Variants in ADAMTS20 observed in about 807,000 individuals in gnomAD.
ADAMTS20 encodes the protein ADAM metallopeptidase with thrombospondin type 1 motif 20, also known as A disintegrin and metalloproteinase with thrombospondin motifs 20.
ADAMTS20 carries 225 observed loss-of-function variants against 260.1 expected under a neutral mutation model. The observed-to-expected ratio is 0.87, with a 90% CI of 0.78 to 0.97. The LOEUF is 0.97. Among genes scored for constraint, ADAMTS20 ranks in the 50% least tolerant of loss-of-function variants. The pLI is 0.00. For synonymous variants in ADAMTS20, 802 were observed against 769.5 expected, an observed-to-expected ratio of 1.04 and a Z score of -0.70; for missense variants, 2,400 against 2,337.7, an observed-to-expected ratio of 1.03 and a Z score of -0.55.
chr12:43,394,543 C>T (rs1494960), intron 29 of ADAMTS20, among the ~76,000 whole-genome samples: 37,736 of 151,882 alleles, frequency 0.25, 5,287 homozygotes, highest in African/African-American at 0.38. Flanking sequence ...TAATATTTCA[C>T]ATTTATGCAA....
At chr12:43,421,723 T>C (rs115607867) in intron 28 of ADAMTS20, among the ~76,000 whole-genome samples, 1,997 of 152,084 alleles carry the variant, frequency 0.013, 49 homozygotes, top group African/African-American at 0.046. Context: ...ATTATAAAAA[T>C]TTCACAGTAT....
At position 43,551,768 on chromosome 12, in the gene ADAMTS20, G is replaced by T; in HGVS notation, c.91+63C>A. On this transcript the variant is annotated intron_variant, in intron 1 of 38. Coordinates refer to ENST00000389420, the MANE Select transcript of ADAMTS20 (RefSeq NM_025003.5). This position sits in a 1 kb window ranked among gnomAD's most constrained non-coding sequence, Gnocchi z 4.6. ...GCTGAGCCGCTCGTCCCCGCGACCTGCATGTCCCACTCGGGCCCCGCGCCC... is the reference window on the plus strand; with the variant it reads ...GCTGAGCCGCTCGTCCCCGCGACCTTCATGTCCCACTCGGGCCCCGCGCCC... 6.5e-7 allele frequency: 1 copy of T among 1,534,878 alleles called. No individual in the cohort carries two copies. The highest frequency in any genetic ancestry group is 1.1e-5 in the South Asian group (1 of 89,418).
At chr12:43,451,624 G>T (rs1450166214) in intron 14 of ADAMTS20, among the ~76,000 whole-genome samples, 3 of 152,042 alleles carry the variant, frequency 2.0e-5, no homozygotes, top group African/African-American at 7.2e-5. Context: ...AAGGTTCTCT[G>T]AATCCTTTAC....
chr12:43,445,610 C>T (rs10880493), intron 15 of ADAMTS20, among the ~76,000 whole-genome samples: 48,687 of 151,514 alleles, frequency 0.32, 8,477 homozygotes, highest in East Asian at 0.75. Context: ...TTTGGGAGGC[C>T]GAGATGGAAG....
In ADAMTS20 at chr12:43,376,549, A is replaced by G; in HGVS notation, c.5100T>C (p.Ala1700=). 1 of 1,613,140 alleles carries G rather than the reference A, an allele frequency of 6.2e-7. No homozygotes were observed. The highest frequency in any genetic ancestry group is 8.5e-7 in the Non-Finnish European group (1 of 1,179,664). The stretch of plus-strand genomic sequence containing the variant: ...AGTCATTGGCATAACATTTCTTTTG[A>G]GCACCTGGTTTTAAATGGTTTAAAC... ...DLCLNHLKPG[A]QKKCYANDCK... The change falls in exon 33 of 39, where the codon GCT becomes GCC. Residue 1700 remains alanine (A), a synonymous_variant. Transcript: ENST00000389420.
chr12:43,375,212 T>C (rs1940196738), intron 36 of ADAMTS20, among the ~76,000 whole-genome samples, 167 bp downstream of exon 36: 1 of 148,180 alleles, frequency 6.7e-6, no homozygotes, highest in African/African-American at 2.5e-5. Context: ...ATGGTGCATG[T>C]CATTGCAGAG....
intron 29 of ADAMTS20, among the ~76,000 whole-genome samples, chr12:43,384,870 G>T (rs1460960164): frequency 6.6e-6 from 1 of 152,022 alleles, no homozygotes; most frequent in Non-Finnish European, 1.5e-5. Context: ...TGGGCATTTG[G>T]GTTGGTTCAA....
At chr12:43,456,629 G>A (rs752853699) in intron 11 of ADAMTS20, among the ~76,000 whole-genome samples, 5 of 152,184 alleles carry the variant, frequency 3.3e-5, no homozygotes, top group Non-Finnish European at 7.3e-5. Flanking sequence ...CAAAAAGGGT[G>A]CTCCTCACAG....
chr12:43,359,271 C>T (rs951807032), intron 37 of ADAMTS20, among the ~76,000 whole-genome samples: 1 of 151,972 alleles, frequency 6.6e-6, no homozygotes, highest in Non-Finnish European at 1.5e-5. Context: ...CTGGCTGCAT[C>T]AAAGAAAAAG....
intron 29 of ADAMTS20, among the ~76,000 whole-genome samples, chr12:43,390,061 G>A (rs999103354): frequency 6.6e-6 from 1 of 152,174 alleles, no homozygotes; most frequent in Admixed American, 6.5e-5. Flanking sequence ...ACACATCTGG[G>A]GTAGTTGAGG....
intron 2 of ADAMTS20, among the ~76,000 whole-genome samples, chr12:43,547,925 A>G (rs1943462162): frequency 6.6e-6 from 1 of 152,158 alleles, no homozygotes; most frequent in Admixed American, 6.5e-5. Context: ...GGCACAAAGA[A>G]CATCACCAGA....
At chr12:43,374,922 G>A (rs969803241) in intron 36 of ADAMTS20, among the ~76,000 whole-genome samples, 3 of 152,186 alleles carry the variant, frequency 2.0e-5, no homozygotes, top group African/African-American at 7.2e-5. Context: ...TGTAATCCCA[G>A]CACTTTGGGA....
At chr12:43,527,230 G>T (rs1249295605) in intron 3 of ADAMTS20, among the ~76,000 whole-genome samples, 1 of 152,116 alleles carries the variant, frequency 6.6e-6, no homozygotes, top group African/African-American at 2.4e-5. Flanking sequence ...CCCAGGGCCA[G>T]ATAGATTCAC....
intron 2 of ADAMTS20, among the ~76,000 whole-genome samples, 170 bp downstream of exon 2, chr12:43,550,739 C>A (rs1943500022): frequency 6.6e-6 from 1 of 152,164 alleles, no homozygotes; most frequent in South Asian, 2.1e-4. Context: ...GCTCATCCTG[C>A]CACCAGAGCC....
Position 43,429,576 on chromosome 12 carries a change from C to T in ADAMTS20, c.3489+41G>A, listed in dbSNP as rs938751061. The T allele has an allele frequency of 3.6e-6, 5 of 1,399,218 alleles. No homozygotes were observed. The African/African-American group carries it at 7.2e-5, about 20-fold the overall frequency. 86.7% of individuals were successfully genotyped at this position (1,399,218 alleles called of 1,614,324 possible). A position where few individuals can be genotyped will look rare whatever the true frequency, so the allele number is the denominator to read the frequency against. ...CCATTTTGTTGATGTCTAAAAGCTA[C>T]CATAATAGAAACACTGTATCTATTA... is the stretch of plus-strand genomic sequence containing the variant. On this transcript the variant is annotated intron_variant, in intron 24 of 38. Transcript: ENST00000389420.
chr12:43,480,175 A>G (rs1383122727), intron 7 of ADAMTS20, among the ~76,000 whole-genome samples: 1 of 152,202 alleles, frequency 6.6e-6, no homozygotes, highest in Non-Finnish European at 1.5e-5. Flanking sequence ...TGGGGAAAAA[A>G]TAATACACCT....
intron 18 of ADAMTS20, 93 bp downstream of exon 18, chr12:43,439,529 G>A: frequency 7.0e-7 from 1 of 1,436,170 alleles, no homozygotes; most frequent in Non-Finnish European, 9.4e-7. Flanking sequence ...TGGACAGTGG[G>A]GAGGATTCCA....
chr12:43,446,707 A>G lies in ADAMTS20; in HGVS notation c.2085T>C (p.Ala695=). The G allele has an allele frequency of 6.2e-7, 1 of 1,612,652 alleles. No individual in the cohort carries two copies. Among genetic ancestry groups the G allele is most frequent in the Non-Finnish European group, 8.5e-7 (1 of 1,178,970 alleles). The change falls in exon 15 of 39, where the codon GCT becomes GCC. Residue 695 remains alanine, a synonymous_variant. Coordinates refer to ENST00000389420, the MANE Select transcript of ADAMTS20 (RefSeq NM_025003.5). ...DICVQGQCMA[A]GCDHVLNSSA... Reference sequence around the variant, plus strand: ...TGGAGTTTAACACGTGATCACAACCAGCTGCCTTCAAGACACAATTACAAT... The same window carrying G: ...TGGAGTTTAACACGTGATCACAACCGGCTGCCTTCAAGACACAATTACAAT...
At chr12:43,458,572 C>G (rs1477896678) in intron 11 of ADAMTS20, among the ~76,000 whole-genome samples, 1 of 152,208 alleles carries the variant, frequency 6.6e-6, no homozygotes, top group Non-Finnish European at 1.5e-5. Flanking sequence ...ACCCTCTCAT[C>G]TCCTTTAAGA....
Sources: allele counts gnomAD v4.1 joint callset (sites outside exome capture counted in the v4.1 genomes callset), GRCh38; gene constraint gnomAD v4.1.1; non-coding constraint Gnocchi (gnomAD v3.1); transcripts MANE v1.5; gene names NCBI Gene and HGNC (gene_info 2026-07-23, HGNC 2026-07-21).